Variants in SLC1A1 observed in about 807,000 individuals in gnomAD.
SLC1A1 encodes the protein excitatory amino acid transporter 3.
In SLC1A1, 43 loss-of-function variants were observed where a neutral mutation model predicts 53.3. The ratio of observed to expected loss-of-function variants is 0.81; its 90% CI spans 0.63 to 1.04. The LOEUF (loss-of-function observed/expected upper bound fraction) is 1.04, where lower values mean the gene tolerates loss of function less well. Ranked by LOEUF, SLC1A1 falls within the 50% of genes least tolerant of loss-of-function variation. SLC1A1 has a pLI of 0.00. For missense variants in SLC1A1, 748 were observed against 664.9 expected (o/e 1.12, Z -1.37); for synonymous variants, 307 against 243.2 (o/e 1.26, Z -2.44).
intron 1 of SLC1A1, among the ~76,000 whole-genome samples, chr9:4,498,012 G>A (rs1820498099): frequency 6.6e-6 from 1 of 152,160 alleles, no homozygotes; most frequent in East Asian, 1.9e-4. Flanking sequence ...CTGCTGTCTG[G>A]CACTGGCTTA....
intron 1 of SLC1A1, among the ~76,000 whole-genome samples, chr9:4,532,240 G>A (rs1387077482): frequency 6.6e-6 from 1 of 152,120 alleles, no homozygotes; most frequent in Non-Finnish European, 1.5e-5. Context: ...GAGAGAAGAA[G>A]GCTTCAGATG....
In SLC1A1 at chr9:4,518,234, C is replaced by CAA. The variant is rs34559140; in HGVS notation, c.92-26309_92-26308dup. On this transcript the variant is annotated intron_variant, in intron 1 of 11. Transcript: ENST00000262352. ...TAGGTGAAAGAGCGATATTCCACCT[C>CAA]AAAAAAAAAAAAAAAAAAAAAAAAA... Among the ~76,000 whole-genome samples, 487 of 60,286 alleles carry CAA rather than the reference C, an allele frequency of 8.1e-3. 4 individuals carry two copies. Among genetic ancestry groups the CAA allele is most frequent in the South Asian group, 0.01 (10 of 988 alleles). 39.5% of individuals were successfully genotyped at this position (60,286 alleles called of 152,430 possible). A position where few individuals can be genotyped will look rare whatever the true frequency, so the allele number is the denominator to read the frequency against.
chr9:4,533,358 G>A (rs898928946), intron 1 of SLC1A1, among the ~76,000 whole-genome samples: 49 of 152,256 alleles, frequency 3.2e-4, no homozygotes, highest in Middle Eastern at 6.8e-3. Flanking sequence ...AAAATAAAGG[G>A]ATGGAGGAAG....
intron 1 of SLC1A1, among the ~76,000 whole-genome samples, chr9:4,491,937 G>C (rs547365010): frequency 1.3e-5 from 2 of 152,328 alleles, no homozygotes; most frequent in South Asian, 2.1e-4. Flanking sequence ...CCTCAGGGTG[G>C]GGATAGGGCA....
rs781268571 is a variant in SLC1A1, at chr9:4,567,711, G to C, written c.526G>C (p.Glu176Gln). 23 of 1,613,516 alleles carry C rather than the reference G, an allele frequency of 1.4e-5. No homozygotes were observed. Among genetic ancestry groups the C allele is most frequent in the Admixed American group, 3.3e-5 (2 of 59,974 alleles). ...AGAAGTGAAGCCTCCCAGCGATCCA[G>C]AGATGAACATGACAGAAGAGTCCTT... Reference protein sequence around the residue: ...REEVKPPSDPEMNMTEESFTA... With the variant: ...REEVKPPSDPQMNMTEESFTA... Residue 176 changes from glutamate to glutamine, a missense_variant, in exon 6 of 12, where the codon GAG becomes CAG. Glu to Gln is a conservative substitution (Grantham distance 29). Transcript: ENST00000262352.
At chr9:4,512,689 C>A (rs888028397) in intron 1 of SLC1A1, among the ~76,000 whole-genome samples, 3 of 152,110 alleles carry the variant, frequency 2.0e-5, no homozygotes, top group Non-Finnish European at 4.4e-5. Flanking sequence ...ATTACTTTTG[C>A]ACCAACCTAA....
intron 1 of SLC1A1, among the ~76,000 whole-genome samples, chr9:4,514,516 C>T (rs532735338): frequency 6.6e-6 from 1 of 152,182 alleles, no homozygotes; most frequent in East Asian, 1.9e-4. Flanking sequence ...GGAAGGCTTT[C>T]CAAATACACT....
chr9:4,493,049 G>C (rs1002934294), intron 1 of SLC1A1, among the ~76,000 whole-genome samples: 1 of 152,196 alleles, frequency 6.6e-6, no homozygotes, highest in South Asian at 2.1e-4. Flanking sequence ...TCATTTTGCA[G>C]ACATGGCCTT....
At chr9:4,517,502 G>A (rs1237519991) in intron 1 of SLC1A1, among the ~76,000 whole-genome samples, 1 of 152,154 alleles carries the variant, frequency 6.6e-6, no homozygotes, top group Non-Finnish European at 1.5e-5. Flanking sequence ...AAGACCACGG[G>A]AGGCTTCTTG....
chr9:4,526,097 C>G (rs1270313125), intron 1 of SLC1A1, among the ~76,000 whole-genome samples: 1 of 152,050 alleles, frequency 6.6e-6, no homozygotes, highest in Non-Finnish European at 1.5e-5. Context: ...CCAGCCTAGG[C>G]AACACAGTGA....
At chr9:4,495,603 A>G (rs961288517) in intron 1 of SLC1A1, among the ~76,000 whole-genome samples, 1 of 152,218 alleles carries the variant, frequency 6.6e-6, no homozygotes, top group South Asian at 2.1e-4. Flanking sequence ...AACAAGTTGC[A>G]CAGGTATCTG....
Position 4,530,716 on chromosome 9 carries a change from C to T in SLC1A1, c.92-13851C>T, listed in dbSNP as rs373107292. The stretch of plus-strand genomic sequence containing the variant: ...AAACATTTTTATTGCTTTAATAACA[C>T]AATTATATTATTTTTTAACTCTTCC... On this transcript the variant is annotated intron_variant, in intron 1 of 11. Transcript: ENST00000262352. Among the ~76,000 whole-genome samples the T allele has an allele frequency of 1.8e-4, 27 of 152,158 alleles. 1 individual carries two copies. In the East Asian group the frequency reaches 3.7e-3, roughly 21 times the overall value.
Position 4,556,799 on chromosome 9 carries a change from T to G in SLC1A1, c.233-4650T>G, listed in dbSNP as rs1009267633. ...GGTGGTGAGTTGGGGGAGAAAATCT[T>G]ACTCTTTTTATGTAAAAAAACACAT... is the stretch of plus-strand genomic sequence containing the variant. On this transcript the variant is annotated intron_variant, in intron 2 of 11. Transcript: ENST00000262352. The surrounding 1 kb of genome is among the most constrained non-coding windows in gnomAD (Gnocchi z 4.1). 6.6e-6 allele frequency among the ~76,000 whole-genome samples: 1 copy of G among 152,188 alleles called. No homozygotes were observed. Among genetic ancestry groups the G allele is most frequent in the Non-Finnish European group, 1.5e-5 (1 of 68,038 alleles).
chr9:4,572,271 T>C lies in SLC1A1; in HGVS notation c.650T>C (p.Val217Ala), dbSNP rs748504523. Residue 217 changes from valine (V) to alanine (A), a missense_variant, in exon 7 of 12, where the codon GTC becomes GCC. Physicochemically the swap from Val to Ala is moderately conservative, Grantham distance 64. Transcript: ENST00000262352. Reference sequence around the variant, plus strand: ...GGCATAAACGTCCTGGGCTTGATTGTCTTTTGCCTTGTCTTTGGACTTGTC... The same window carrying C: ...GGCATAAACGTCCTGGGCTTGATTGCCTTTTGCCTTGTCTTTGGACTTGTC... ...SDGINVLGLIVFCLVFGLVIG... is the reference protein window; with the variant it reads ...SDGINVLGLIAFCLVFGLVIG... 1 of 1,614,164 alleles carries C rather than the reference T, an allele frequency of 6.2e-7. No homozygotes were observed. Among genetic ancestry groups the C allele is most frequent in the South Asian group, 1.1e-5 (1 of 91,084 alleles).
rs1044260564 is a variant in SLC1A1, at chr9:4,493,369, T to C, written c.91+2599T>C. Reference sequence around the variant, plus strand: ...AGTCTGTAAGGGCTGATTTGTTTAATTGACAGTGAAATTCCAGTGACTTAT... The same window carrying C: ...AGTCTGTAAGGGCTGATTTGTTTAACTGACAGTGAAATTCCAGTGACTTAT... On this transcript the variant is annotated intron_variant, in intron 1 of 11. Transcript: ENST00000262352. Among the ~76,000 whole-genome samples the C allele has an allele frequency of 2.0e-5, 3 of 152,200 alleles. No individual in the cohort carries two copies. In the South Asian group the frequency reaches 6.2e-4, roughly 32 times the overall value.
intron 1 of SLC1A1, among the ~76,000 whole-genome samples, chr9:4,499,227 TAG>T (rs1165059346): frequency 6.6e-6 from 1 of 151,630 alleles, no homozygotes; most frequent in Non-Finnish European, 1.5e-5. Context: ...GTATTTTTAG[TAG>T]AGACAAAGTT....
chr9:4,495,093 C>T (rs1026073747), intron 1 of SLC1A1, among the ~76,000 whole-genome samples: 5 of 152,148 alleles, frequency 3.3e-5, no homozygotes, highest in South Asian at 2.1e-4. Flanking sequence ...TGCCCAGCCT[C>T]GTGTCTCTAC....
intron 1 of SLC1A1, among the ~76,000 whole-genome samples, chr9:4,536,677 G>A (rs1346378156): frequency 1.3e-5 from 2 of 152,268 alleles, no homozygotes; most frequent in Non-Finnish European, 2.9e-5. Context: ...ATTTGACCTG[G>A]CAATCCCATT....
chr9:4,551,413 C>T (rs1017750302), intron 2 of SLC1A1, among the ~76,000 whole-genome samples: 12 of 152,162 alleles, frequency 7.9e-5, no homozygotes, highest in African/African-American at 2.7e-4. Context: ...GAGGCCCTAC[C>T]ACTCACATGG....
Sources: allele counts gnomAD v4.1 joint callset (sites outside exome capture counted in the v4.1 genomes callset), GRCh38; gene constraint gnomAD v4.1.1; non-coding constraint Gnocchi (gnomAD v3.1); transcripts MANE v1.5; gene names NCBI Gene and HGNC (gene_info 2026-07-23, HGNC 2026-07-21).